POTEE: variants seen among roughly 807,000 people sequenced by gnomAD.
POTEE encodes the protein ANKRD26-like family C member 1A.
A neutral mutation model predicts 74.2 loss-of-function variants in POTEE; 21 were observed. The observed-to-expected ratio is 0.28, with a 90% CI of 0.20 to 0.41. POTEE has a LOEUF of 0.41. Ranked by LOEUF, POTEE falls within the 10% of genes least tolerant of loss-of-function variation. The pLI is 1.00. For missense variants in POTEE, 525 were observed against 1,158.6 expected (o/e 0.45, Z 7.94); for synonymous variants, 211 against 432.8 (o/e 0.49, Z 6.36).
At position 131,209,810 on chromosome 2, in the gene POTEE, C is replaced by T. The variant is rs1483598220; in HGVS notation, c.-354C>T. The stretch of plus-strand genomic sequence containing the variant: ...AGCTCGGCCAGAGTGGTAGAAATGT[C>T]CTGGTGTAGGTGAGTTATCCGGGGA... On this transcript the variant is annotated 5_prime_UTR_variant, in exon 1 of 18. Transcript: ENST00000683005. Among the ~76,000 whole-genome samples, 9 of 152,158 alleles carry T rather than the reference C, an allele frequency of 5.9e-5. 1 individual carries two copies. In the South Asian group the frequency reaches 1.5e-3, roughly 25 times the overall value.
At chr2:131,229,661 C>T (rs1162952810) in intron 8 of POTEE, 1 of 152,194 alleles carries the variant, frequency 6.6e-6, no homozygotes, top group Non-Finnish European at 1.5e-5. Context: ...GGAAAGTTAG[C>T]ATGGCTTCTG....
rs768731351 is a variant in POTEE, at chr2:131,263,761, A to T, written c.2306A>T (p.Tyr769Phe). The change falls in exon 18 of 18, where the codon TAC (tyrosine) becomes TTC (phenylalanine). Residue 769 changes from tyrosine (Y) to phenylalanine (F), a missense_variant. Coordinates refer to ENST00000683005, the MANE Select transcript of POTEE (RefSeq NM_001083538.3). ...QSKRGILTLK[Y>F]PMEHGIITNW... ...AAGAGAGGCATCCTGACCCTGAAGT[A>T]CCCCATGGAACACGGCATCATCACC... 13 of 1,612,450 alleles carry T rather than the reference A, an allele frequency of 8.1e-6. No homozygotes were observed. Among genetic ancestry groups the T allele is most frequent in the Middle Eastern group, 1.9e-4 (1 of 5,242 alleles).
Position 131,209,761 on chromosome 2 carries a change from T to G in POTEE, c.-403T>G, listed in dbSNP as rs1252794640. On this transcript the variant is annotated 5_prime_UTR_variant, in exon 1 of 18. Transcript: ENST00000683005. ...AGCCCCTGGGGCTCGCCTTGCTGTG[T>G]TTGGTGGTGACGTGGGACACTGCAG... 6.6e-6 allele frequency among the ~76,000 whole-genome samples: 1 copy of G among 152,166 alleles called. No individual in the cohort carries two copies. The highest frequency in any genetic ancestry group is 6.5e-5 in the Admixed American group (1 of 15,308).
intron 9 of POTEE, among the ~76,000 whole-genome samples, chr2:131,233,064 T>C (rs1701013699): frequency 6.6e-6 from 1 of 152,036 alleles, no homozygotes; most frequent in African/African-American, 2.4e-5. Context: ...TAGACTTGGA[T>C]TTCTTCTTCA....
chr2:131,222,204 C>A (rs1407372525), intron 4 of POTEE, among the ~76,000 whole-genome samples: 1 of 152,086 alleles, frequency 6.6e-6, no homozygotes, highest in Admixed American at 6.5e-5. Flanking sequence ...GGTACATAAA[C>A]AGCATGGAAT....
At position 131,218,485 on chromosome 2, in the gene POTEE, G is replaced by A; in HGVS notation, c.83G>A (p.Cys28Tyr). 6.2e-7 allele frequency: 1 copy of A among 1,613,046 alleles called. No individual in the cohort carries two copies. Among genetic ancestry groups the A allele is most frequent in the East Asian group, 2.2e-5 (1 of 44,822 alleles). ...FGLRSKMGKW[C>Y]CRCFPCYRES... ...CTCAGGAGCAAGATGGGCAAGTGGT[G>A]CTGCCGTTGCTTCCCCTGCTACAGG... is the stretch of plus-strand genomic sequence containing the variant. Residue 28 changes from cysteine (C) to tyrosine (Y), a missense_variant, in exon 4 of 18, where the codon TGC becomes TAC. By Grantham distance (194) the Cys-to-Tyr change is radical. Coordinates refer to ENST00000683005, the MANE Select transcript of POTEE (RefSeq NM_001083538.3).
rs895623789 is a variant in POTEE at position 131,211,196 on chromosome 2, C to T, written c.-189+13C>T. On this transcript the variant is annotated intron_variant, in intron 2 of 17. Coordinates refer to ENST00000683005, the MANE Select transcript of POTEE (RefSeq NM_001083538.3). Reference sequence around the variant, plus strand: ...CTCGACAGGAGTGGTAGGAGGGTGCCCGCGGGGGCAAGGTGGTAGGAACCT... The same window carrying T: ...CTCGACAGGAGTGGTAGGAGGGTGCTCGCGGGGGCAAGGTGGTAGGAACCT... 3.3e-5 allele frequency among the ~76,000 whole-genome samples: 5 copies of T among 151,924 alleles called. No homozygotes were observed. The highest frequency in any genetic ancestry group is 7.4e-5 in the Non-Finnish European group (5 of 68,016).
At chr2:131,226,116 T>G (rs61423667) in intron 6 of POTEE, among the ~76,000 whole-genome samples, 5,887 of 151,966 alleles carry the variant, frequency 0.039, 324 homozygotes, top group African/African-American at 0.13. Flanking sequence ...ATTGACGCTG[T>G]ATTATGGACT....
chr2:131,229,586 CAT>C (rs775198426), intron 8 of POTEE: 48 of 152,288 alleles, frequency 3.2e-4, no homozygotes, highest in East Asian at 1.4e-3. Context: ...CATCACTAAT[CAT>C]GTGTAAAAGT....
intron 6 of POTEE, among the ~76,000 whole-genome samples, chr2:131,224,485 C>G (rs1159290921): frequency 2.8e-5 from 4 of 143,984 alleles, no homozygotes; most frequent in Non-Finnish European, 6.0e-5. Flanking sequence ...TGATGCGCCT[C>G]TCACTGGCAA....
intron 16 of POTEE, among the ~76,000 whole-genome samples, chr2:131,255,565 GTTTTT>G (rs752323540): frequency 3.7e-4 from 5 of 13,604 alleles, no homozygotes; most frequent in East Asian, 3.0e-3. Flanking sequence ...CTTTCTCATA[GTTTTT>G]TTTTTTTTTT....
At chr2:131,210,423 T>G (rs1573689584) in intron 1 of POTEE, among the ~76,000 whole-genome samples, 1 of 148,270 alleles carries the variant, frequency 6.7e-6, no homozygotes, top group African/African-American at 2.5e-5. Flanking sequence ...GCGGCAGGGG[T>G]CAGGTTAGGG....
chr2:131,232,721 T>C (rs1038847289), intron 9 of POTEE, among the ~76,000 whole-genome samples: 1 of 151,312 alleles, frequency 6.6e-6, no homozygotes, highest in African/African-American at 2.4e-5. Context: ...GGTTGTTCAT[T>C]GATATCCTAG....
At chr2:131,235,557 A>G (rs1302655162) in intron 9 of POTEE, among the ~76,000 whole-genome samples, 1 of 152,012 alleles carries the variant, frequency 6.6e-6, no homozygotes, top group Non-Finnish European at 1.5e-5. Context: ...GCATTTTGGG[A>G]GGCTGGAGCA....
intron 6 of POTEE, among the ~76,000 whole-genome samples, chr2:131,225,815 C>A (rs1292385265): frequency 2.0e-5 from 3 of 151,922 alleles, no homozygotes; most frequent in Non-Finnish European, 4.4e-5. Context: ...TGTGAGCCAC[C>A]ATTCCTGACC....
intron 1 of POTEE, among the ~76,000 whole-genome samples, chr2:131,210,448 A>G (rs1398477925): frequency 4.0e-5 from 6 of 151,280 alleles, no homozygotes; most frequent in Non-Finnish European, 8.8e-5. Flanking sequence ...TATGGGGGCT[A>G]TACTGCCAGT....
intron 9 of POTEE, among the ~76,000 whole-genome samples, chr2:131,235,832 A>C (rs1414396292): frequency 6.6e-6 from 1 of 151,952 alleles, no homozygotes; most frequent in East Asian, 1.9e-4. Flanking sequence ...AAAGAAAATA[A>C]ATGTGTCAGA....
chr2:131,225,255 T>C (rs1393656262), intron 6 of POTEE, among the ~76,000 whole-genome samples: 1 of 152,106 alleles, frequency 6.6e-6, no homozygotes, highest in South Asian at 2.1e-4. Flanking sequence ...TGAAAATGTT[T>C]CCTTGAAGCC....
intron 17 of POTEE, among the ~76,000 whole-genome samples, chr2:131,262,701 A>G (rs1463158122): frequency 6.6e-6 from 1 of 152,150 alleles, no homozygotes; most frequent in Non-Finnish European, 1.5e-5. Context: ...CGCGATCTTA[A>G]ATGAGTTCAG....
Sources: allele counts gnomAD v4.1 joint callset (sites outside exome capture counted in the v4.1 genomes callset), GRCh38; gene constraint gnomAD v4.1.1; transcripts MANE v1.5; gene names NCBI Gene and HGNC (gene_info 2026-07-23, HGNC 2026-07-21).